PDZD2: variants seen among roughly 807,000 people sequenced by gnomAD.
PDZD2 encodes the protein PDZ domain-containing protein 2.
PDZD2 carries 90 observed loss-of-function variants against 220.7 expected under a neutral mutation model. That is an observed-to-expected ratio of 0.41 (90% confidence interval 0.34 to 0.49). The LOEUF (loss-of-function observed/expected upper bound fraction) is 0.49, where lower values mean the gene tolerates loss of function less well. Among genes scored for constraint, PDZD2 ranks in the 20% least tolerant of loss-of-function variants. PDZD2 has a pLI of 0.28. For missense variants in PDZD2, 3,174 were observed against 3,608.5 expected, an observed-to-expected ratio of 0.88 and a Z score of 3.08; for synonymous variants, 1,375 against 1,450.5, an observed-to-expected ratio of 0.95 and a Z score of 1.18.
intron 10 of PDZD2, among the ~76,000 whole-genome samples, chr5:32,054,436 A>T (rs1395468394): frequency 1.4e-5 from 2 of 140,056 alleles, no homozygotes; most frequent in South Asian, 2.4e-4. Flanking sequence ...TGATCCTCCC[A>T]CCTCAGCTTC....
chr5:31,934,607 T>TTA (rs71598906), intron 2 of PDZD2, among the ~76,000 whole-genome samples: 1 of 118,082 alleles, frequency 8.5e-6, no homozygotes, highest in Admixed American at 9.3e-5. Flanking sequence ...ACCATCTAAT[T>TTA]AAAAAAAAAA....
intron 1 of PDZD2, among the ~76,000 whole-genome samples, chr5:31,750,699 G>A (rs1190892288): frequency 6.6e-6 from 1 of 152,160 alleles, no homozygotes; most frequent in Non-Finnish European, 1.5e-5. Context: ...TGAGGCAGGG[G>A]CACTTTTCCT....
chr5:32,074,064 A>G lies in PDZD2; in HGVS notation c.2958A>G (p.Pro986=). 6.2e-7 allele frequency: 1 copy of G among 1,614,006 alleles called. No homozygotes were observed. Among genetic ancestry groups the G allele is most frequent in the Middle Eastern group, 1.6e-4 (1 of 6,062 alleles). ...GAGAAGGGGACTGCATTTCACTCCC[A>G]GGGGCCCTCCCGGGTCCCATCAGGC... ...FDREGDCISL[P]GALPGPIRPL... Residue 986 remains proline, a synonymous_variant, in exon 18 of 25, where the codon CCA becomes CCG. Coordinates refer to ENST00000438447, the MANE Select transcript of PDZD2 (RefSeq NM_178140.4).
At chr5:31,997,011 A>G (rs549153584) in intron 4 of PDZD2, among the ~76,000 whole-genome samples, 42 of 152,368 alleles carry the variant, frequency 2.8e-4, no homozygotes, top group African/African-American at 9.9e-4. Context: ...CTGTCCCAAA[A>G]TGTCAGGCAG....
chr5:32,090,363 C>T lies in PDZD2; in HGVS notation c.6915C>T (p.Ser2305=). The T allele has an allele frequency of 6.2e-7, 1 of 1,614,148 alleles. No individual in the cohort carries two copies. The highest frequency in any genetic ancestry group is 1.1e-5 in the South Asian group (1 of 91,088). ...EGDIISVQET[S]CLVTDKIKVT... ...ATATCATTTCAGTCCAGGAGACGAGCTGCCTAGTCACAGACAAAATCAAAG... is the reference window on the plus strand; with the variant it reads ...ATATCATTTCAGTCCAGGAGACGAGTTGCCTAGTCACAGACAAAATCAAAG... Residue 2305 remains serine (S), a synonymous_variant, in exon 20 of 25, where the codon AGC becomes AGT. Coordinates refer to ENST00000438447, the MANE Select transcript of PDZD2 (RefSeq NM_178140.4). The surrounding 1 kb of genome is among the most constrained non-coding windows in gnomAD (Gnocchi z 4.3).
At chr5:31,777,130 G>A (rs1359577350) in intron 1 of PDZD2, among the ~76,000 whole-genome samples, 1 of 152,180 alleles carries the variant, frequency 6.6e-6, no homozygotes, top group Non-Finnish European at 1.5e-5. Flanking sequence ...AACCGGGGCT[G>A]TGCACTGGCG....
In PDZD2 at chr5:31,849,303, G is replaced by A. The variant is rs532502389; in HGVS notation, c.476+49579G>A. Among the ~76,000 whole-genome samples the A allele has an allele frequency of 2.6e-3, 389 of 152,200 alleles. 1 individual carries two copies. The highest frequency in any genetic ancestry group is 0.016 in the South Asian group (77 of 4,822). ...ATTAGGACTCCAGCATTTATTAGCC[G>A]TGTTACTTAACCTCTTTGTGACTCA... On this transcript the variant is annotated intron_variant, in intron 2 of 24. Coordinates refer to ENST00000438447, the MANE Select transcript of PDZD2 (RefSeq NM_178140.4).
chr5:31,956,988 C>T (rs1747773635), intron 2 of PDZD2, among the ~76,000 whole-genome samples: 1 of 152,054 alleles, frequency 6.6e-6, no homozygotes, highest in African/African-American at 2.4e-5. Flanking sequence ...ACTCCTGTAA[C>T]ATCTTAGTTT....
intron 1 of PDZD2, chr5:31,741,891 C>T (rs1259523321): frequency 2.0e-5 from 3 of 152,176 alleles, no homozygotes; most frequent in South Asian, 2.1e-4. Context: ...AATCTTAACC[C>T]AGGACCCTGC....
intron 6 of PDZD2, among the ~76,000 whole-genome samples, chr5:32,034,498 A>G (rs896794075): frequency 6.6e-6 from 1 of 151,604 alleles, no homozygotes; most frequent in African/African-American, 2.4e-5. Context: ...AGCTGGGATT[A>G]TACAGGCACG....
At chr5:32,024,644 T>C (rs936873757) in intron 6 of PDZD2, among the ~76,000 whole-genome samples, 3 of 145,576 alleles carry the variant, frequency 2.1e-5, no homozygotes, top group Non-Finnish European at 4.5e-5. Context: ...GATTGTGCTA[T>C]TGAACTCCAG....
At chr5:32,028,083 GT>G (rs1460259021) in intron 6 of PDZD2, among the ~76,000 whole-genome samples, 4 of 152,026 alleles carry the variant, frequency 2.6e-5, no homozygotes, top group African/African-American at 9.7e-5. Flanking sequence ...TAAAAACATG[GT>G]GAGAACTGGG....
intron 3 of PDZD2, among the ~76,000 whole-genome samples, chr5:31,989,173 A>G (rs552091284): frequency 7.2e-5 from 11 of 152,132 alleles, no homozygotes; most frequent in Admixed American, 3.3e-4. Flanking sequence ...TTTTCTTGAT[A>G]GATAATTTTT....
intron 1 of PDZD2, among the ~76,000 whole-genome samples, chr5:31,650,842 G>A (rs1234990942): frequency 6.6e-6 from 1 of 152,124 alleles, no homozygotes; most frequent in Non-Finnish European, 1.5e-5. Flanking sequence ...CGGCCTCCGC[G>A]TTTCTTCCTA....
chr5:31,687,173 C>G (rs531266409), intron 1 of PDZD2, among the ~76,000 whole-genome samples: 1 of 152,152 alleles, frequency 6.6e-6, no homozygotes, highest in Non-Finnish European at 1.5e-5. Context: ...GTGTTCATAC[C>G]AAAGTCAGGT....
At chr5:32,086,925 G>A (rs1227313028) in intron 19 of PDZD2, among the ~76,000 whole-genome samples, 1 of 148,314 alleles carries the variant, frequency 6.7e-6, no homozygotes, top group East Asian at 2.0e-4. Flanking sequence ...CTGACCTCAG[G>A]TGATCCACCC....
chr5:31,801,602 T>C (rs57289465), intron 2 of PDZD2, among the ~76,000 whole-genome samples: 12,498 of 152,240 alleles, frequency 0.082, 640 homozygotes, highest in South Asian at 0.21. Flanking sequence ...GACGAAGTAG[T>C]CAGGAGCTCC....
intron 8 of PDZD2, among the ~76,000 whole-genome samples, chr5:32,050,747 G>C (rs760685124): frequency 6.6e-6 from 1 of 152,170 alleles, no homozygotes; most frequent in African/African-American, 2.4e-5. Context: ...CTTGAGCCCA[G>C]GAGGTCAAGA....
At chr5:31,971,779 A>AG (rs2111785650) in intron 2 of PDZD2, among the ~76,000 whole-genome samples, 1 of 150 alleles carries the variant, frequency 6.7e-3, no homozygotes, top group South Asian at 0.25. Flanking sequence ...GTGGCTCCCC[A>AG]TTTGCACAAA....
Sources: gnomAD v4.1 joint callset for allele counts (sites outside exome capture counted in the v4.1 genomes callset) on GRCh38, gnomAD v4.1.1 for gene constraint, Gnocchi (gnomAD v3.1) non-coding constraint, MANE v1.5 for transcripts, NCBI Gene and HGNC (gene_info 2026-07-23, HGNC 2026-07-21) for gene names.